JPH3: variants seen among roughly 807,000 people sequenced by gnomAD.
JPH3 encodes the protein junctophilin-3.
Under a neutral mutation model 59.6 loss-of-function variants are expected in JPH3, and 11 were observed. The ratio of observed to expected loss-of-function variants is 0.18; its 90% CI spans 0.12 to 0.31. JPH3 has a LOEUF of 0.31. JPH3 is among the 10% of genes least tolerant of loss of function. The pLI is 1.00. For missense variants in JPH3, 1,202 were observed against 1,105.7 expected, an observed-to-expected ratio of 1.09 and a Z score of -1.24; for synonymous variants, 673 against 483.6, an observed-to-expected ratio of 1.39 and a Z score of -5.14.
rs1316573357 is a variant in JPH3, at chr16:87,618,515, A to G, written c.382+14987A>G. Among the ~76,000 whole-genome samples the G allele has an allele frequency of 7.2e-5, 11 of 152,222 alleles. No individual in the cohort carries two copies. The East Asian group carries it at 9.7e-4, about 13-fold the overall frequency. On this transcript the variant is annotated intron_variant, in intron 1 of 4. Coordinates refer to ENST00000284262, the MANE Select transcript of JPH3 (RefSeq NM_020655.4). ...TCCATGTGTCGTGCCCATTTTACAG[A>G]CGGTGGAGCTCAGGCCTGGGAGACA...
chr16:87,690,572 C>T (rs766078136), intron 4 of JPH3, 46 bp downstream of exon 4: 6 of 1,430,358 alleles, frequency 4.2e-6, no homozygotes, highest in South Asian at 1.6e-5. Flanking sequence ...GCAACATCCA[C>T]CTCTCTGCTG....
chr16:87,656,399 TGGG>T (rs1162708757), intron 2 of JPH3, among the ~76,000 whole-genome samples: 2 of 152,064 alleles, frequency 1.3e-5, no homozygotes, highest in Non-Finnish European at 2.9e-5. Context: ...TGGCATTTGT[TGGG>T]GGACTTACAG....
chr16:87,628,383 C>A (rs1235449090), intron 1 of JPH3, among the ~76,000 whole-genome samples: 3 of 152,260 alleles, frequency 2.0e-5, no homozygotes, highest in African/African-American at 7.2e-5. Flanking sequence ...CAGAGTGAGC[C>A]CCCATCCCTG....
Position 87,698,055 on chromosome 16 carries a change from G to A in JPH3, c.*1395G>A, listed in dbSNP as rs2033974635. 6.6e-6 allele frequency: 1 copy of A among 152,644 alleles called. No individual in the cohort carries two copies. The highest frequency in any genetic ancestry group is 2.4e-5 in the African/African-American group (1 of 41,450). The allele number at this position is 152,644 out of a possible 1,614,324, so 9.5% of individuals were successfully genotyped here. On this transcript the variant is annotated 3_prime_UTR_variant, in exon 5 of 5. Transcript: ENST00000284262. ...TGCCTTGCTTTGCTTATGTTTAGCT[G>A]TTTCTCTGCTACCTTTCGAGCAGAC...
At chr16:87,652,378 G>A (rs2032352062) in intron 2 of JPH3, among the ~76,000 whole-genome samples, 1 of 152,226 alleles carries the variant, frequency 6.6e-6, no homozygotes, top group East Asian at 1.9e-4. Context: ...ACATTTTTTA[G>A]CAACAAAGTA....
chr16:87,604,629 C>G (rs1390357430), intron 1 of JPH3: 12 of 1,194,856 alleles, frequency 1.0e-5, no homozygotes, highest in Non-Finnish European at 1.2e-5. Context: ...CCTGAGCGTA[C>G]GTGTGCTCTA....
rs56053716 is a variant in JPH3 at position 87,616,190 on chromosome 16, TTGTGTGTGTGTGTG to T, written c.382+12696_382+12709del. Among the ~76,000 whole-genome samples the T allele has an allele frequency of 4.3e-3, 500 of 116,010 alleles. 3 individuals carry two copies. Among genetic ancestry groups the T allele is most frequent in the Non-Finnish European group, 6.5e-3 (388 of 59,926 alleles). 76.1% of individuals were successfully genotyped at this position (116,010 alleles called of 152,430 possible). A position where few individuals can be genotyped will look rare whatever the true frequency, so the allele number is the denominator to read the frequency against. On this transcript the variant is annotated intron_variant, in intron 1 of 4. Transcript: ENST00000284262. ...AGCAGAACAGCAACGCAATCTGGTTTTGTGTGTGTGTGTGTGTGTGTGTGTGTGTGTGTGTGTGT... is the reference window on the plus strand; with the variant it reads ...AGCAGAACAGCAACGCAATCTGGTTTTGTGTGTGTGTGTGTGTGTGTGTGT...
rs371401237 is a variant in JPH3, at chr16:87,609,127, G to A, written c.382+5599G>A. Among the ~76,000 whole-genome samples, 251 of 152,370 alleles carry A rather than the reference G, an allele frequency of 1.6e-3. 2 individuals are homozygous for A. Among genetic ancestry groups the A allele is most frequent in the African/African-American group, 5.8e-3 (241 of 41,590 alleles). ...GCTGCCACTTGGCATGCCTGCCTATGTTTTCACCCCTACCCTGTCAGTCCT... is the reference window on the plus strand; with the variant it reads ...GCTGCCACTTGGCATGCCTGCCTATATTTTCACCCCTACCCTGTCAGTCCT... On this transcript the variant is annotated intron_variant, in intron 1 of 4. Transcript: ENST00000284262.
chr16:87,689,745 G>T lies in JPH3; in HGVS notation c.1385G>T (p.Arg462Leu). ...PLQQESPELY[R>L]KGTTPSDLTP... Reference sequence around the variant, plus strand: ...CAGCAGGAGAGCCCCGAGCTGTACCGCAAGGGCACCACTCCCTCCGACCTG... The same window carrying T: ...CAGCAGGAGAGCCCCGAGCTGTACCTCAAGGGCACCACTCCCTCCGACCTG... The change falls in exon 4 of 5, where the codon CGC becomes CTC. Residue 462 changes from arginine (R) to leucine (L), a missense_variant. Arg to Leu is a moderately radical substitution (Grantham distance 102, BLOSUM62 -2). Transcript: ENST00000284262. 1 of 1,612,202 alleles carries T rather than the reference G, an allele frequency of 6.2e-7. No individual in the cohort carries two copies. The highest frequency in any genetic ancestry group is 8.5e-7 in the Non-Finnish European group (1 of 1,179,712).
intron 1 of JPH3, among the ~76,000 whole-genome samples, chr16:87,621,512 A>AC (rs1326690233): frequency 6.6e-6 from 1 of 151,646 alleles, no homozygotes; most frequent in Admixed American, 6.6e-5. Context: ...GCGTTGGCCA[A>AC]CCCCCCAGGC....
At chr16:87,663,566 G>T (rs1294195232) in intron 2 of JPH3, among the ~76,000 whole-genome samples, 1 of 152,206 alleles carries the variant, frequency 6.6e-6, no homozygotes, top group Non-Finnish European at 1.5e-5. Flanking sequence ...CAGAAGCACT[G>T]GGTGAACACA....
chr16:87,653,907 C>G (rs555137966), intron 2 of JPH3: 2 of 152,378 alleles, frequency 1.3e-5, no homozygotes, highest in East Asian at 3.9e-4. Context: ...CCCCTGCCCA[C>G]GACACTCGCC....
chr16:87,618,564 T>C (rs2031057852), intron 1 of JPH3, among the ~76,000 whole-genome samples: 1 of 152,168 alleles, frequency 6.6e-6, no homozygotes, highest in African/African-American at 2.4e-5. Flanking sequence ...CGGCACTAAC[T>C]CCACCCCAGC....
intron 2 of JPH3, among the ~76,000 whole-genome samples, chr16:87,658,025 G>T (rs556994493): frequency 6.6e-6 from 1 of 152,178 alleles, no homozygotes; most frequent in Non-Finnish European, 1.5e-5. Context: ...CCTGGGTGTG[G>T]AGGGGACTGG....
chr16:87,689,238 C>G (rs943461809), intron 3 of JPH3, among the ~76,000 whole-genome samples: 11 of 152,126 alleles, frequency 7.2e-5, no homozygotes, highest in Admixed American at 5.9e-4. Context: ...CTTGCTGTGA[C>G]AGCTCGGCCT....
intron 2 of JPH3, among the ~76,000 whole-genome samples, chr16:87,645,560 C>CAT (rs1245348157): frequency 6.6e-6 from 1 of 152,180 alleles, no homozygotes; most frequent in Non-Finnish European, 1.5e-5. Context: ...GCAAGGGGCT[C>CAT]ATGCAGGCCT....
intron 1 of JPH3, among the ~76,000 whole-genome samples, chr16:87,628,541 G>A (rs72810126): frequency 0.17 from 25,759 of 152,286 alleles, 2,453 homozygotes; most frequent in Non-Finnish European, 0.22. Context: ...GGTTTTGGAA[G>A]CAGACATGCC....
chr16:87,604,566 TG>T (rs752841520), intron 1 of JPH3: 277 of 1,243,642 alleles, frequency 2.2e-4, no homozygotes, highest in Non-Finnish European at 2.7e-4. Flanking sequence ...CATGGATGCC[TG>T]GGAAGGGAGT....
intron 2 of JPH3, among the ~76,000 whole-genome samples, chr16:87,645,396 G>A (rs1456143677): frequency 6.6e-6 from 1 of 152,260 alleles, no homozygotes; most frequent in Non-Finnish European, 1.5e-5. Context: ...GTGCTAGCTA[G>A]TAGGGGTGAC....
Sources: gnomAD v4.1 joint callset for allele counts (sites outside exome capture counted in the v4.1 genomes callset) on GRCh38, gnomAD v4.1.1 for gene constraint, MANE v1.5 for transcripts, NCBI Gene and HGNC (gene_info 2026-07-23, HGNC 2026-07-21) for gene names.